Variants in CAPS2 observed in about 807,000 individuals in gnomAD.
CAPS2 encodes the protein calcyphosine 2.
CAPS2 carries 98 observed loss-of-function variants against 86.5 expected under a neutral mutation model. The observed-to-expected ratio is 1.13, with a 90% CI of 0.96 to 1.34. The LOEUF (loss-of-function observed/expected upper bound fraction) is 1.34. Ranked by LOEUF, CAPS2 falls within the 40% of genes most tolerant of loss-of-function variation. The pLI is 0.00. For missense variants in CAPS2, 729 were observed against 686.8 expected, an observed-to-expected ratio of 1.06 and a Z score of -0.69; for synonymous variants, 210 against 225.1, an observed-to-expected ratio of 0.93 and a Z score of 0.60.
chr12:75,388,620 G>T (rs777654349), intron 1 of CAPS2, among the ~76,000 whole-genome samples: 45 of 152,134 alleles, frequency 3.0e-4, no homozygotes, highest in Non-Finnish European at 1.3e-4. Context: ...AAAATTAGTA[G>T]TTGCCGGGGT....
At chr12:75,277,176 C>T, downstream of CAPS2, 1 of 976,138 alleles carries the variant, frequency 1.0e-6, no homozygotes. Flanking sequence ...AGTATGCTGT[C>T]ATGTTAACAC....
chr12:75,277,342 C>T lies in CAPS2; in HGVS notation c.*1548G>A, dbSNP rs143306768. On this transcript the variant is annotated 3_prime_UTR_variant, in exon 17 of 17. Transcript: ENST00000393284. ...AATTATCAATGAAAAACACTATATGCATATTGAGCACCCCCAGTATTAGTC... is the reference window on the plus strand; with the variant it reads ...AATTATCAATGAAAAACACTATATGTATATTGAGCACCCCCAGTATTAGTC... 5.9e-4 allele frequency: 567 copies of T among 968,626 alleles called. 5 individuals are homozygous for T. The African/African-American group carries it at 9.4e-3, about 16-fold the overall frequency. 60.0% of individuals were successfully genotyped at this position (968,626 alleles called of 1,614,324 possible). A position where few individuals can be genotyped will look rare whatever the true frequency, so the allele number is the denominator to read the frequency against.
intron 5 of CAPS2, 50 bp from the exon 6 acceptor site, chr12:75,316,484 T>C (rs1182090804): frequency 6.9e-7 from 1 of 1,446,982 alleles, no homozygotes; most frequent in Admixed American, 2.6e-5. Flanking sequence ...TTAGAATGTT[T>C]GTTTTTAACA....
intron 1 of CAPS2, among the ~76,000 whole-genome samples, chr12:75,359,387 T>TTTTTA (rs2043406206): frequency 7.1e-6 from 1 of 139,976 alleles, no homozygotes; most frequent in Non-Finnish European, 1.6e-5. Flanking sequence ...TTTTTTTTTT[T>TTTTTA]GCTGAATTGA....
At chr12:75,334,958 G>A (rs2041621676), upstream of CAPS2, 1 of 1,508,862 alleles carries the variant, frequency 6.6e-7, no homozygotes, top group Non-Finnish European at 9.0e-7. Flanking sequence ...GAGGTATCTG[G>A]GTGATAAATT....
chr12:75,348,586 A>G (rs1158927743), intron 1 of CAPS2, among the ~76,000 whole-genome samples: 1 of 152,208 alleles, frequency 6.6e-6, no homozygotes, highest in Non-Finnish European at 1.5e-5. Flanking sequence ...ATGGAAAGAG[A>G]ATAATAATAG....
intron 11 of CAPS2, among the ~76,000 whole-genome samples, chr12:75,297,783 T>C: frequency 6.6e-6 from 1 of 152,222 alleles, no homozygotes; most frequent in East Asian, 1.9e-4. Context: ...TCATGTGCTC[T>C]CTTCCTTTTT....
At chr12:75,330,552 T>C (rs2041218470), upstream of CAPS2, among the ~76,000 whole-genome samples, 1 of 152,234 alleles carries the variant, frequency 6.6e-6, no homozygotes, top group Non-Finnish European at 1.5e-5. Context: ...CAATATCTGC[T>C]CTCAAGGAGC....
rs189800321 is a variant in CAPS2, at chr12:75,379,615, G to T, written c.-395+11223C>A. Among the ~76,000 whole-genome samples, 6 of 152,262 alleles carry T rather than the reference G, an allele frequency of 3.9e-5. No individual in the cohort carries two copies. The East Asian group carries it at 1.2e-3, about 29-fold the overall frequency. ...AAACTACTGAGAATAGTTAACTCAA[G>T]ATTTAAGTAGTGCATTTTTCAGGAG... is the stretch of plus-strand genomic sequence containing the variant. On this transcript the variant is annotated intron_variant, in intron 1 of 5. Coordinates refer to the CAPS2 transcript ENST00000551829.
chr12:75,340,884 C>G (rs966381762), intron 1 of CAPS2, among the ~76,000 whole-genome samples: 1 of 151,832 alleles, frequency 6.6e-6, no homozygotes, highest in African/African-American at 2.4e-5. Flanking sequence ...GGACATATCA[C>G]GACACACCAA....
intron 7 of CAPS2, chr12:75,306,346 G>T: frequency 2.0e-6 from 1 of 492,204 alleles, no homozygotes; most frequent in East Asian, 4.2e-5. Flanking sequence ...TCCTGTAACA[G>T]TGTCTCTGAG....
chr12:75,387,241 T>C (rs547299872), intron 1 of CAPS2, among the ~76,000 whole-genome samples: 1 of 152,306 alleles, frequency 6.6e-6, no homozygotes, highest in South Asian at 2.1e-4. Context: ...AATTTAAAAA[T>C]GGGTCAAAAA....
chr12:75,362,739 AACAT>A (rs1311811040), intron 1 of CAPS2, among the ~76,000 whole-genome samples: 1 of 152,196 alleles, frequency 6.6e-6, no homozygotes, highest in Admixed American at 6.6e-5. Flanking sequence ...TTAAAATTAA[AACAT>A]AAAACACATG....
chr12:75,301,138 A>G (rs934062012), intron 8 of CAPS2, among the ~76,000 whole-genome samples: 7 of 152,236 alleles, frequency 4.6e-5, no homozygotes. Flanking sequence ...CTTTATATTA[A>G]GAGATCTGAA....
chr12:75,284,231 G>A (rs920430461), intron 15 of CAPS2, among the ~76,000 whole-genome samples: 1 of 152,102 alleles, frequency 6.6e-6, no homozygotes, highest in Admixed American at 6.6e-5. Flanking sequence ...TTTTTACTAT[G>A]TCTCTTGCCC....
chr12:75,331,908 T>C (rs1388827024), upstream of CAPS2, among the ~76,000 whole-genome samples: 3 of 152,226 alleles, frequency 2.0e-5, no homozygotes, highest in Admixed American at 6.5e-5. Context: ...AAAATTCTGG[T>C]GCACCAACTA....
At chr12:75,320,264 A>G (rs545050512) in intron 5 of CAPS2, among the ~76,000 whole-genome samples, 88 of 152,274 alleles carry the variant, frequency 5.8e-4, no homozygotes, top group Admixed American at 6.5e-4. Flanking sequence ...CAAGGAAATA[A>G]AAGTTTTACT....
Position 75,312,924 on chromosome 12 carries a change from A to T in CAPS2, c.592-9T>A. On this transcript the variant is annotated splice_polypyrimidine_tract_variant and intron_variant, in intron 6 of 16. Coordinates refer to ENST00000393284, the Ensembl canonical transcript of CAPS2. ...TCTGCAGCCACAATTTCCTGGGAAG[A>T]TTAAATAAAGACAACTTCACCATCC... 1 of 1,588,068 alleles carries T rather than the reference A, an allele frequency of 6.3e-7. No individual in the cohort carries two copies. The highest frequency in any genetic ancestry group is 8.6e-7 in the Non-Finnish European group (1 of 1,157,490).
At chr12:75,385,884 C>A (rs2139847824) in intron 1 of CAPS2, among the ~76,000 whole-genome samples, 1 of 152,132 alleles carries the variant, frequency 6.6e-6, no homozygotes, top group South Asian at 2.1e-4. Context: ...AGTCATAAAT[C>A]TAACAAAATA....
Sources: gnomAD v4.1 joint callset for allele counts (sites outside exome capture counted in the v4.1 genomes callset) on GRCh38, gnomAD v4.1.1 for gene constraint, MANE v1.5 for transcripts, NCBI Gene and HGNC (gene_info 2026-07-23, HGNC 2026-07-21) for gene names.